RBFOX1: variants seen among roughly 807,000 people sequenced by gnomAD.
RBFOX1 encodes RNA binding protein fox-1 homolog 1.
A neutral mutation model predicts 57.7 loss-of-function variants in RBFOX1; 8 were observed. That is an observed-to-expected ratio of 0.14 (90% CI 0.08 to 0.25). RBFOX1 has a LOEUF of 0.25. RBFOX1 is among the 10% of genes least tolerant of loss of function. RBFOX1 has a pLI of 1.00. For synonymous variants in RBFOX1, 326 were observed against 222.4 expected, an observed-to-expected ratio of 1.47 and a Z score of -4.15; for missense variants, 611 against 548.5, an observed-to-expected ratio of 1.11 and a Z score of -1.14.
intron 3 of RBFOX1, among the ~76,000 whole-genome samples, chr16:6,775,477 G>A (rs1424107711): frequency 3.3e-5 from 5 of 151,834 alleles, no homozygotes; most frequent in African/African-American, 1.2e-4. Flanking sequence ...AAAAAAATAG[G>A]TGATAAGATT....
intron 3 of RBFOX1, among the ~76,000 whole-genome samples, chr16:6,863,691 A>AC (rs1212646221): frequency 1.4e-5 from 2 of 146,550 alleles, no homozygotes; most frequent in Non-Finnish European, 3.0e-5. Context: ...AAAGAAAAAA[A>AC]GAAATGACCG....
intron 1 of RBFOX1, among the ~76,000 whole-genome samples, chr16:5,294,238 A>G (rs370668667): frequency 2.0e-5 from 3 of 152,100 alleles, no homozygotes; most frequent in East Asian, 1.9e-4. Context: ...CAAAAACAAA[A>G]AACAAGAAAC....
chr16:7,321,142 T>C (rs1459673115), intron 4 of RBFOX1, among the ~76,000 whole-genome samples: 2 of 58,518 alleles, frequency 3.4e-5, no homozygotes, highest in Non-Finnish European at 4.5e-5. Flanking sequence ...TATACTTATA[T>C]TGTTTGTTTT....
Position 7,211,085 on chromosome 16 carries a change from TAAAAAA to T in RBFOX1, c.27+158998_27+159003del, listed in dbSNP as rs59344460. Reference sequence around the variant, plus strand: ...GTTGTATACCTTAGATACATACACTTAAAAAAAAAAAAAAAAGGACTCTGGGCCGGG... The same window carrying T: ...GTTGTATACCTTAGATACATACACTTAAAAAAAAAAGGACTCTGGGCCGGG... On this transcript the variant is annotated intron_variant, in intron 4 of 15. Transcript: ENST00000550418. Among the ~76,000 whole-genome samples, 64 of 144,358 alleles carry T rather than the reference TAAAAAA, an allele frequency of 4.4e-4. 2 individuals carry two copies. Among genetic ancestry groups the T allele is most frequent in the Admixed American group, 7.0e-5 (1 of 14,372 alleles). 94.7% of individuals were successfully genotyped at this position (144,358 alleles called of 152,430 possible).
chr16:6,501,151 T>A (rs969100422), intron 2 of RBFOX1, among the ~76,000 whole-genome samples: 1 of 150,072 alleles, frequency 6.7e-6, no homozygotes. Context: ...TTTTTTTTTT[T>A]TATTTCACTT....
intron 2 of RBFOX1, among the ~76,000 whole-genome samples, chr16:6,435,340 G>A (rs980201969): frequency 3.9e-4 from 58 of 147,062 alleles, no homozygotes; most frequent in African/African-American, 1.4e-3. Flanking sequence ...TCATTCTGTC[G>A]CCCAGGCTGG....
intron 4 of RBFOX1, among the ~76,000 whole-genome samples, chr16:7,114,098 A>T (rs754522938): frequency 5.9e-5 from 9 of 152,184 alleles, no homozygotes; most frequent in Non-Finnish European, 1.2e-4. Context: ...GACTTGGGCT[A>T]TTTTAAGAAA....
At chr16:5,615,586 C>T (rs1015130426) in intron 3 of RBFOX1, among the ~76,000 whole-genome samples, 5 of 152,142 alleles carry the variant, frequency 3.3e-5, no homozygotes, top group South Asian at 2.1e-4. Flanking sequence ...GTCCCAGCTC[C>T]GTCCTGTTCC....
At chr16:5,418,303 C>A (rs2067214651) in intron 1 of RBFOX1, among the ~76,000 whole-genome samples, 1 of 151,148 alleles carries the variant, frequency 6.6e-6, no homozygotes, top group African/African-American at 2.4e-5. Context: ...GAGTAGGCAG[C>A]CTGAGCCCTG....
At chr16:6,966,421 C>T (rs8060320) in intron 3 of RBFOX1, among the ~76,000 whole-genome samples, 1 of 152,050 alleles carries the variant, frequency 6.6e-6, no homozygotes, top group Non-Finnish European at 1.5e-5. Context: ...CCTGGGGGGT[C>T]TTCCAGAGGT....
chr16:7,625,573 C>G (rs945918892), intron 10 of RBFOX1, among the ~76,000 whole-genome samples: 15 of 152,186 alleles, frequency 9.9e-5, no homozygotes, highest in Non-Finnish European at 1.5e-5. Flanking sequence ...AGAGCATCCT[C>G]CAGATTTCCT....
chr16:5,276,893 A>G (rs1370127122), intron 1 of RBFOX1, among the ~76,000 whole-genome samples: 2 of 152,226 alleles, frequency 1.3e-5, no homozygotes, highest in African/African-American at 2.4e-5. Flanking sequence ...GAGATTCCTT[A>G]AAGAACTAAA....
chr16:5,492,429 GAC>G (rs1179474226), intron 2 of RBFOX1, among the ~76,000 whole-genome samples: 1 of 152,186 alleles, frequency 6.6e-6, no homozygotes, highest in Non-Finnish European at 1.5e-5. Context: ...GAGATACAAA[GAC>G]ACAATCACAA....
At chr16:5,650,186 A>G (rs766878869) in intron 3 of RBFOX1, among the ~76,000 whole-genome samples, 1 of 152,190 alleles carries the variant, frequency 6.6e-6, no homozygotes, top group Non-Finnish European at 1.5e-5. Flanking sequence ...TAGTCGTAAG[A>G]CGAGGCTCTC....
At chr16:7,340,129 G>T (rs77974386) in intron 4 of RBFOX1, among the ~76,000 whole-genome samples, 11,148 of 152,274 alleles carry the variant, frequency 0.073, 494 homozygotes, top group South Asian at 0.13. Context: ...GGCAGGGTCA[G>T]CCCCAAGAAA....
chr16:5,545,570 A>G (rs1178575276), intron 2 of RBFOX1, among the ~76,000 whole-genome samples: 1 of 152,180 alleles, frequency 6.6e-6, no homozygotes, highest in Non-Finnish European at 1.5e-5. Flanking sequence ...AATCAATAGA[A>G]TCCATCATAT....
chr16:5,621,348 G>C (rs1305279203), intron 3 of RBFOX1, among the ~76,000 whole-genome samples: 4 of 152,158 alleles, frequency 2.6e-5, no homozygotes, highest in African/African-American at 4.8e-5. Flanking sequence ...CTCACATTCT[G>C]AGTTGCTGGG....
chr16:7,536,165 GGA>G (rs1468607690), intron 5 of RBFOX1, among the ~76,000 whole-genome samples: 1 of 152,222 alleles, frequency 6.6e-6, no homozygotes, highest in African/African-American at 2.4e-5. Flanking sequence ...CTCGTGGAAA[GGA>G]GAGCTGACTG....
intron 4 of RBFOX1, among the ~76,000 whole-genome samples, chr16:7,274,972 C>G (rs927420230): frequency 2.0e-5 from 3 of 152,156 alleles, no homozygotes; most frequent in Non-Finnish European, 4.4e-5. Context: ...GTGTGAGTCA[C>G]TGCACCTGCC....
Sources: allele counts gnomAD v4.1 joint callset (sites outside exome capture counted in the v4.1 genomes callset), GRCh38; gene constraint gnomAD v4.1.1; transcripts MANE v1.5; gene names NCBI Gene and HGNC (gene_info 2026-07-23, HGNC 2026-07-21).